PTP4A1: variants seen among roughly 807,000 people sequenced by gnomAD.
The protein encoded by PTP4A1 is protein tyrosine phosphatase 4A1.
In PTP4A1, 9 loss-of-function variants were observed where a neutral mutation model predicts 20.5. That is an observed-to-expected ratio of 0.44 (90% CI 0.26 to 0.77). The LOEUF is 0.77. Ranked by LOEUF, PTP4A1 falls within the 30% of genes least tolerant of loss-of-function variation. The pLI is 0.19. For missense variants in PTP4A1, 137 were observed against 218.8 expected, an observed-to-expected ratio of 0.63 and a Z score of 2.36; for synonymous variants, 78 against 67.4, an observed-to-expected ratio of 1.16 and a Z score of -0.77.
chr6:63,573,920 CTG>C (rs1777675107), intron 1 of PTP4A1, among the ~76,000 whole-genome samples: 1 of 152,112 alleles, frequency 6.6e-6, no homozygotes. Flanking sequence ...TCCCTGAGCT[CTG>C]TGGTGTAATA....
intron 2 of PTP4A1, among the ~76,000 whole-genome samples, chr6:63,536,844 C>A (rs1445862055): frequency 3.9e-5 from 6 of 151,948 alleles, no homozygotes; most frequent in Non-Finnish European, 8.8e-5. Flanking sequence ...ATAGTCTTAG[C>A]AGCATAGTCT....
intron 3 of PTP4A1, among the ~76,000 whole-genome samples, chr6:63,552,898 A>G (rs1776516313): frequency 6.6e-6 from 1 of 152,182 alleles, no homozygotes; most frequent in African/African-American, 2.4e-5. Context: ...TTTTGGTACC[A>G]GTACCGTGCT....
At chr6:63,526,833 A>T (rs68160393) in intron 1 of PTP4A1, among the ~76,000 whole-genome samples, 4,318 of 127,874 alleles carry the variant, frequency 0.034, 82 homozygotes, top group Non-Finnish European at 0.043. Context: ...ATATATATAT[A>T]TATTTATTTA....
At chr6:63,543,209 G>A (rs977600001) in intron 2 of PTP4A1, among the ~76,000 whole-genome samples, 1 of 152,166 alleles carries the variant, frequency 6.6e-6, no homozygotes, top group South Asian at 2.1e-4. Context: ...ACTTGTCCCT[G>A]TTTTAAAACT....
At chr6:63,562,683 G>A (rs1326075984) in intron 3 of PTP4A1, among the ~76,000 whole-genome samples, 1 of 152,120 alleles carries the variant, frequency 6.6e-6, no homozygotes, top group Non-Finnish European at 1.5e-5. Context: ...ATAAGTTTTA[G>A]CTATTCTTGC....
chr6:63,567,304 T>A (rs1777233546), intron 3 of PTP4A1, among the ~76,000 whole-genome samples: 1 of 152,238 alleles, frequency 6.6e-6, no homozygotes, highest in South Asian at 2.1e-4. Context: ...TTATGAAATG[T>A]ACTTGTTAAA....
chr6:63,554,158 T>C (rs966353370), intron 3 of PTP4A1, among the ~76,000 whole-genome samples: 2 of 152,196 alleles, frequency 1.3e-5, no homozygotes, highest in African/African-American at 4.8e-5. Flanking sequence ...ATAAAAAGAC[T>C]TTACAATCCT....
At chr6:63,517,320 C>A (rs940283108), upstream of PTP4A1, among the ~76,000 whole-genome samples, 1 of 152,042 alleles carries the variant, frequency 6.6e-6, no homozygotes, top group African/African-American at 2.4e-5. Flanking sequence ...AAATTACCTG[C>A]AATAAAGAAA....
chr6:63,558,892 T>C (rs1776807538), intron 3 of PTP4A1, among the ~76,000 whole-genome samples: 1 of 152,188 alleles, frequency 6.6e-6, no homozygotes, highest in Non-Finnish European at 1.5e-5. Context: ...ATCTGTCAAG[T>C]AGGATTGTTG....
At chr6:63,527,466 G>GT (rs751112724) in intron 1 of PTP4A1, among the ~76,000 whole-genome samples, 42 of 152,012 alleles carry the variant, frequency 2.8e-4, no homozygotes, top group Non-Finnish European at 4.9e-4. Context: ...TTCTTATGTT[G>GT]TAGATATCTC....
upstream of PTP4A1, among the ~76,000 whole-genome samples, chr6:63,517,063 C>T (rs1482722744): frequency 6.6e-6 from 1 of 151,758 alleles, no homozygotes; most frequent in Non-Finnish European, 1.5e-5. Flanking sequence ...AATAATACTA[C>T]CACAAAGAAA....
In PTP4A1 at chr6:63,572,957, G is replaced by T. The variant is rs1022090875; in HGVS notation, c.-446+238G>T. The stretch of plus-strand genomic sequence containing the variant: ...GCGGGGTGGCGGTTGGCCGCCGGAG[G>T]CACCGGCTTTTGAGTCCCTCCCGAG... On this transcript the variant is annotated intron_variant, in intron 1 of 5. Coordinates refer to ENST00000626021, the MANE Select transcript of PTP4A1 (RefSeq NM_003463.5). Among the ~76,000 whole-genome samples, 3 of 152,250 alleles carry T rather than the reference G, an allele frequency of 2.0e-5. 1 individual carries two copies. The highest frequency in any genetic ancestry group is 4.1e-4 in the South Asian group (2 of 4,826).
chr6:63,543,886 T>C (rs1182674217), intron 2 of PTP4A1, among the ~76,000 whole-genome samples: 2 of 152,266 alleles, frequency 1.3e-5, no homozygotes. Context: ...CGTGTTTATT[T>C]GTACACAAAA....
At chr6:63,569,243 A>G (rs951916216), upstream of PTP4A1, among the ~76,000 whole-genome samples, 1 of 152,146 alleles carries the variant, frequency 6.6e-6, no homozygotes, top group Non-Finnish European at 1.5e-5. Context: ...TTCCTCTTCC[A>G]TAAAAATATC....
chr6:63,564,728 T>C (rs1777113975), intron 3 of PTP4A1, among the ~76,000 whole-genome samples: 1 of 152,218 alleles, frequency 6.6e-6, no homozygotes, highest in Non-Finnish European at 1.5e-5. Context: ...TGTGGCATAA[T>C]TCAACATGTT....
At position 63,537,417 on chromosome 6, in the gene PTP4A1, A is replaced by G. The variant is rs149762608; in HGVS notation, c.-640+9333A>G. 8.7e-3 allele frequency among the ~76,000 whole-genome samples: 1,327 copies of G among 152,288 alleles called. 22 individuals are homozygous for G. The highest frequency in any genetic ancestry group is 0.03 in the African/African-American group (1,255 of 41,554). On this transcript the variant is annotated intron_variant, in intron 2 of 3. Transcript: ENST00000639568. ...GTAACACCTGGGAGATTTCAACACC[A>G]ATGCCCAGGCCCAGGCTCAGATCAA...
At chr6:63,550,988 A>G (rs1481521213) in intron 3 of PTP4A1, among the ~76,000 whole-genome samples, 2 of 152,218 alleles carry the variant, frequency 1.3e-5, no homozygotes, top group Non-Finnish European at 2.9e-5. Context: ...ATACATGACC[A>G]TAATTACCTG....
intron 2 of PTP4A1, among the ~76,000 whole-genome samples, chr6:63,532,365 T>C (rs1417967264): frequency 2.0e-5 from 3 of 152,210 alleles, no homozygotes; most frequent in Non-Finnish European, 4.4e-5. Flanking sequence ...TCTGGATTCA[T>C]ACCTCTCAAA....
chr6:63,556,331 T>C (rs181963289), intron 3 of PTP4A1, among the ~76,000 whole-genome samples: 2 of 151,984 alleles, frequency 1.3e-5, no homozygotes, highest in Non-Finnish European at 2.9e-5. Context: ...GTTTTTTTTT[T>C]TCTTGCCTTT....
Sources: gnomAD v4.1 joint callset for allele counts (sites outside exome capture counted in the v4.1 genomes callset) on GRCh38, gnomAD v4.1.1 for gene constraint, MANE v1.5 for transcripts, NCBI Gene and HGNC (gene_info 2026-07-23, HGNC 2026-07-21) for gene names.